Variants in FAM135B observed in about 807,000 individuals in gnomAD.
FAM135B encodes the protein protein FAM135B.
A neutral mutation model predicts 127.7 loss-of-function variants in FAM135B; 43 were observed. That is an observed-to-expected ratio of 0.34 (90% confidence interval 0.26 to 0.43). The LOEUF is 0.43. Among genes scored for constraint, FAM135B ranks in the 20% least tolerant of loss-of-function variants. The pLI, the probability that FAM135B is intolerant of heterozygous loss-of-function variation, is 1.00. For missense variants in FAM135B, 1,558 were observed against 1,725.6 expected (o/e 0.90, Z 1.72); for synonymous variants, 670 against 665.1 (o/e 1.01, Z -0.11).
chr8:138,434,535 G>T (rs1282646324), intron 1 of FAM135B, among the ~76,000 whole-genome samples: 1 of 152,208 alleles, frequency 6.6e-6, no homozygotes, highest in South Asian at 2.1e-4. Context: ...ATTAAAGAGT[G>T]TCAGACACCA....
intron 1 of FAM135B, among the ~76,000 whole-genome samples, chr8:138,378,241 C>T (rs1003886920): frequency 6.6e-6 from 1 of 152,084 alleles, no homozygotes; most frequent in African/African-American, 2.4e-5. Context: ...GGATAAATAC[C>T]CTGACATAAA....
chr8:138,399,070 A>G (rs1401644976), intron 1 of FAM135B, among the ~76,000 whole-genome samples: 1 of 152,140 alleles, frequency 6.6e-6, no homozygotes, highest in African/African-American at 2.4e-5. Flanking sequence ...GAATAATAAT[A>G]TATATTTTTA....
rs115996991 is a variant in FAM135B, at chr8:138,332,960, T to G, written c.78-22040A>C. On this transcript the variant is annotated intron_variant, in intron 2 of 19. Coordinates refer to ENST00000395297, the MANE Select transcript of FAM135B (RefSeq NM_015912.4). ...TCCCCTAACAATCCTAACAGAGGAC[T>G]ACACAGCTGGGATTTGGAAAGCGCA... Among the ~76,000 whole-genome samples, 1,332 of 150,954 alleles carry G rather than the reference T, an allele frequency of 8.8e-3. 24 individuals are homozygous for G. Among genetic ancestry groups the G allele is most frequent in the African/African-American group, 0.031 (1,278 of 40,904 alleles).
Position 138,132,727 on chromosome 8 carries a change from G to A in FAM135B, c.4087C>T (p.Arg1363Ter), listed in dbSNP as rs758974242. Residue 1363 changes from arginine to a stop codon, truncating the protein, a stop_gained, in exon 20 of 20, where the codon CGA (arginine) becomes TGA (stop). Coordinates refer to ENST00000395297, the MANE Select transcript of FAM135B (RefSeq NM_015912.4). LOFTEE classifies it high-confidence loss of function. The surrounding 1 kb of genome is among the most constrained non-coding windows in gnomAD (Gnocchi z 4.5). Reference sequence around the variant, plus strand: ...GGCAGGGCGTGGAACACGTTGTGTCGGATTAAAGTGCAGTCCTTGGCTTCA... The same window carrying A: ...GGCAGGGCGTGGAACACGTTGTGTCAGATTAAAGTGCAGTCCTTGGCTTCA... ...LVEAKDCTLI[R>*]HNVFHALPNT... 9 of 1,614,154 alleles carry A rather than the reference G, an allele frequency of 5.6e-6. No individual in the cohort carries two copies. The highest frequency in any genetic ancestry group is 5.9e-6 in the Non-Finnish European group (7 of 1,180,026).
intron 1 of FAM135B, among the ~76,000 whole-genome samples, chr8:138,378,662 A>C (rs1333630564): frequency 6.6e-6 from 1 of 152,026 alleles, no homozygotes; most frequent in Non-Finnish European, 1.5e-5. Flanking sequence ...AGCCCCAGGC[A>C]TTCACCCCCT....
At chr8:138,309,063 T>C in intron 3 of FAM135B, 2 of 435,820 alleles carry the variant, frequency 4.6e-6, no homozygotes, top group Non-Finnish European at 9.0e-6. Flanking sequence ...TTTTTATTTA[T>C]AATTTCTAAG....
At chr8:138,462,165 T>C (rs1316371004) in intron 1 of FAM135B, among the ~76,000 whole-genome samples, 1 of 152,200 alleles carries the variant, frequency 6.6e-6, no homozygotes, top group African/African-American at 2.4e-5. Context: ...TAATATGTTA[T>C]ACATTAAAAG....
chr8:138,285,325 T>G (rs915168934), intron 3 of FAM135B, among the ~76,000 whole-genome samples: 1 of 151,950 alleles, frequency 6.6e-6, no homozygotes, highest in African/African-American at 2.4e-5. Context: ...TTTTGTATTT[T>G]CAGTAGAGAC....
intron 2 of FAM135B, among the ~76,000 whole-genome samples, chr8:138,351,401 C>A (rs1210240552): frequency 6.6e-6 from 1 of 152,076 alleles, no homozygotes; most frequent in Non-Finnish European, 1.5e-5. Flanking sequence ...ACAGGTAGAA[C>A]ACTATGTGAA....
chr8:138,345,016 G>A (rs1398110672), intron 2 of FAM135B, among the ~76,000 whole-genome samples: 1 of 152,206 alleles, frequency 6.6e-6, no homozygotes, highest in Non-Finnish European at 1.5e-5. Flanking sequence ...GGACTGTTCT[G>A]TTTGGGTCAT....
At chr8:138,298,889 T>C (rs770740977) in intron 3 of FAM135B, among the ~76,000 whole-genome samples, 5 of 151,826 alleles carry the variant, frequency 3.3e-5, no homozygotes, top group Admixed American at 1.3e-4. Context: ...ACAGAGATTC[T>C]ATACACCCCA....
chr8:138,277,150 A>G (rs1823889264), intron 3 of FAM135B, among the ~76,000 whole-genome samples: 1 of 151,812 alleles, frequency 6.6e-6, no homozygotes, highest in Admixed American at 6.6e-5. Flanking sequence ...CTCCTTCTAG[A>G]CTCCAGTGGC....
At chr8:138,382,598 A>C (rs1460084758) in intron 1 of FAM135B, among the ~76,000 whole-genome samples, 2 of 152,086 alleles carry the variant, frequency 1.3e-5, no homozygotes, top group Non-Finnish European at 2.9e-5. Flanking sequence ...TTTATTTCTC[A>C]GTTTTCTCAT....
rs540703706 is a variant in FAM135B at position 138,434,343 on chromosome 8, C to T, written c.-20+62328G>A. On this transcript the variant is annotated intron_variant, in intron 1 of 19. Transcript: ENST00000395297. ...GAGTGAGAATAATCAGGAAAGCTTACAAGAAGGTGACAAGGTGACACACAC... is the reference window on the plus strand; with the variant it reads ...GAGTGAGAATAATCAGGAAAGCTTATAAGAAGGTGACAAGGTGACACACAC... Among the ~76,000 whole-genome samples the T allele has an allele frequency of 2.6e-3, 397 of 152,284 alleles. 2 individuals are homozygous for T. Among genetic ancestry groups the T allele is most frequent in the Non-Finnish European group, 1.0e-3 (70 of 68,024 alleles).
rs187107526 is a variant in FAM135B at position 138,222,503 on chromosome 8, G to T, written c.669+20439C>A. Among the ~76,000 whole-genome samples, 36 of 152,158 alleles carry T rather than the reference G, an allele frequency of 2.4e-4. No homozygotes were observed. In the East Asian group the frequency reaches 6.8e-3, roughly 29 times the overall value. Reference sequence around the variant, plus strand: ...CACACAGTCCATTGAATATAGCAGGGTGGCCCAAAGTTACTGAATATATTA... The same window carrying T: ...CACACAGTCCATTGAATATAGCAGGTTGGCCCAAAGTTACTGAATATATTA... On this transcript the variant is annotated intron_variant, in intron 7 of 19. Transcript: ENST00000395297.
At chr8:138,369,690 C>T (rs758365850) in intron 1 of FAM135B, among the ~76,000 whole-genome samples, 29 of 152,138 alleles carry the variant, frequency 1.9e-4, no homozygotes, top group Non-Finnish European at 2.6e-4. Flanking sequence ...GGTCAGAACC[C>T]GAGGCTCAAT....
intron 7 of FAM135B, among the ~76,000 whole-genome samples, chr8:138,223,573 A>G (rs2130079501): frequency 6.6e-6 from 1 of 152,322 alleles, no homozygotes; most frequent in Admixed American, 6.5e-5. Flanking sequence ...GCAGCCTACA[A>G]ACAAGTGGGA....
chr8:138,378,138 G>A (rs1445542429), intron 1 of FAM135B, among the ~76,000 whole-genome samples: 2 of 152,198 alleles, frequency 1.3e-5, no homozygotes, highest in Non-Finnish European at 2.9e-5. Context: ...TCTCATAGCA[G>A]GGACACAGGA....
intron 8 of FAM135B, 93 bp downstream of exon 8, chr8:138,197,422 AC>A: frequency 6.9e-7 from 1 of 1,453,350 alleles, no homozygotes; most frequent in Non-Finnish European, 9.4e-7. Flanking sequence ...TATTCCTGTG[AC>A]ATTTACAAAA....
Sources: allele counts gnomAD v4.1 joint callset (sites outside exome capture counted in the v4.1 genomes callset), GRCh38; gene constraint gnomAD v4.1.1; non-coding constraint Gnocchi (gnomAD v3.1); transcripts MANE v1.5; gene names NCBI Gene and HGNC (gene_info 2026-07-23, HGNC 2026-07-21).